Variants in CIROZ observed in about 807,000 individuals in gnomAD.
CIROZ encodes ciliated left-right organizer protein containing ZP-N domains.
the CIROZ span, chr1:10,970,008 C>T: frequency 6.5e-7 from 1 of 1,536,886 alleles, no homozygotes; most frequent in Non-Finnish European, 8.7e-7. Flanking sequence ...CCGCCTCAGC[C>T]CCTCCACGTG....
chr1:10,961,570 T>C, the CIROZ span, among the ~76,000 whole-genome samples: 1 of 152,166 alleles, frequency 6.6e-6, no homozygotes, highest in Non-Finnish European at 1.5e-5. Context: ...CGATAAGCTC[T>C]TCCTGGGGCA....
the CIROZ span, chr1:10,949,614 A>G: frequency 3.1e-6 from 5 of 1,596,254 alleles, no homozygotes; most frequent in East Asian, 1.1e-4. Context: ...GGATGCAGCC[A>G]TAGACGTGCT....
At chr1:10,976,640 G>A in the CIROZ span, among the ~76,000 whole-genome samples, 12 of 150,420 alleles carry the variant, frequency 8.0e-5, no homozygotes, top group Admixed American at 6.0e-4. Context: ...GTGAGCCACC[G>A]CGTCCCGCCC....
the CIROZ span, among the ~76,000 whole-genome samples, chr1:10,968,546 G>A: frequency 6.6e-6 from 1 of 152,190 alleles, no homozygotes; most frequent in Non-Finnish European, 1.5e-5. Context: ...GAAATAAAGT[G>A]TCTGAGCTGG....
At chr1:10,981,240 G>A in the CIROZ span, among the ~76,000 whole-genome samples, 1 of 152,180 alleles carries the variant, frequency 6.6e-6, no homozygotes, top group South Asian at 2.1e-4. Context: ...CTTGAACCCA[G>A]GAGTTTAAGA....
At chr1:10,947,723 G>C in the CIROZ span, 6 of 1,558,772 alleles carry the variant, frequency 3.8e-6, no homozygotes, top group South Asian at 7.1e-5. Context: ...GAGGCCTGTG[G>C]CTTTCAGCAC....
chr1:10,960,144 T>C, the CIROZ span, among the ~76,000 whole-genome samples: 1 of 151,980 alleles, frequency 6.6e-6, no homozygotes, highest in East Asian at 1.9e-4. This position sits in a 1 kb window ranked among gnomAD's most constrained non-coding sequence, Gnocchi z 4.6. Flanking sequence ...TCTCAGCACT[T>C]TGGGAGGCTG....
the CIROZ span, among the ~76,000 whole-genome samples, chr1:10,964,678 T>C: frequency 6.6e-6 from 1 of 152,248 alleles, no homozygotes. Context: ...TCACCCAGGC[T>C]GGAGTGCAAT....
chr1:10,969,914 G>T, the CIROZ span: 1 of 1,473,154 alleles, frequency 6.8e-7, no homozygotes, highest in East Asian at 2.5e-5. Context: ...GCAGGCAGGG[G>T]AAGGCAACAC....
chr1:10,973,940 G>C, the CIROZ span, among the ~76,000 whole-genome samples: 31 of 146,772 alleles, frequency 2.1e-4, no homozygotes, highest in African/African-American at 8.2e-4. Context: ...CTGCACCCTC[G>C]GGGACCCCAG....
At chr1:10,978,254 G>A in the CIROZ span, among the ~76,000 whole-genome samples, 1 of 151,002 alleles carries the variant, frequency 6.6e-6, no homozygotes, top group African/African-American at 2.4e-5. Context: ...TCACCATGTT[G>A]CCCAGGCTGG....
chr1:10,960,618 T>G, the CIROZ span, among the ~76,000 whole-genome samples: 1 of 152,240 alleles, frequency 6.6e-6, no homozygotes, highest in Admixed American at 6.5e-5. The surrounding 1 kb of genome is among the most constrained non-coding windows in gnomAD (Gnocchi z 4.6). Context: ...GAATAGTTAT[T>G]GCGCGGCCTC....
At chr1:10,964,176 C>T in the CIROZ span, 5 of 1,614,164 alleles carry the variant, frequency 3.1e-6, no homozygotes, top group Non-Finnish European at 2.5e-6. Flanking sequence ...CCAGCCTTGA[C>T]CTTAGCATCG....
the CIROZ span, among the ~76,000 whole-genome samples, chr1:10,959,596 C>T: frequency 6.6e-6 from 1 of 152,196 alleles, no homozygotes; most frequent in Non-Finnish European, 1.5e-5. The surrounding 1 kb of genome is among the most constrained non-coding windows in gnomAD (Gnocchi z 4.3). Flanking sequence ...ACCATCAGAC[C>T]CCCTCTCCTA....
chr1:10,956,022 T>C, the CIROZ span, among the ~76,000 whole-genome samples: 1 of 152,058 alleles, frequency 6.6e-6, no homozygotes, highest in Non-Finnish European at 1.5e-5. Flanking sequence ...AAGAGATGGT[T>C]GGAGGCTCAT....
chr1:10,948,064 G>A, the CIROZ span: 1 of 1,613,432 alleles, frequency 6.2e-7, no homozygotes, highest in Non-Finnish European at 8.5e-7. Flanking sequence ...CTCACCCTGG[G>A]CATCCCGGTG....
chr1:10,980,657 G>A, the CIROZ span, among the ~76,000 whole-genome samples: 1 of 152,170 alleles, frequency 6.6e-6, no homozygotes, highest in Non-Finnish European at 1.5e-5. Flanking sequence ...AGGGAATGCT[G>A]TCTGGAATCG....
chr1:10,948,336 G>A, the CIROZ span: 2 of 1,613,634 alleles, frequency 1.2e-6, no homozygotes, highest in African/African-American at 2.7e-5. Flanking sequence ...CTCCTCTGCA[G>A]CCAGTGTGGC....
At chr1:10,976,133 C>T in the CIROZ span, 30 of 1,529,622 alleles carry the variant, frequency 2.0e-5, no homozygotes, top group Non-Finnish European at 2.5e-5. Flanking sequence ...CTGATGCCAA[C>T]CATAAAAGTG....
Sources: allele counts gnomAD v4.1 joint callset (sites outside exome capture counted in the v4.1 genomes callset), GRCh38; gene constraint gnomAD v4.1.1; non-coding constraint Gnocchi (gnomAD v3.1); transcripts MANE v1.5; gene names NCBI Gene and HGNC (gene_info 2026-07-23, HGNC 2026-07-21).